Variants in ALPK3 observed in about 807,000 individuals in gnomAD.
ALPK3 encodes the protein alpha-protein kinase 3.
A neutral mutation model predicts 140.0 loss-of-function variants in ALPK3; 102 were observed. The observed-to-expected ratio is 0.73, with a 90% CI of 0.62 to 0.86. ALPK3 has a LOEUF of 0.86. Among genes scored for constraint, ALPK3 ranks in the 40% least tolerant of loss-of-function variants. The probability of loss-of-function intolerance (pLI) is 0.00; values close to 1 mark genes in which losing one functional copy is unlikely to be tolerated. For synonymous variants in ALPK3, 938 were observed against 898.5 expected (o/e 1.04, Z -0.79); for missense variants, 2,254 against 2,208.2 (o/e 1.02, Z -0.42).
intron 5 of ALPK3, among the ~76,000 whole-genome samples, chr15:84,846,215 G>A (rs1231088758): frequency 1.3e-5 from 2 of 152,192 alleles, no homozygotes; most frequent in African/African-American, 2.4e-5. Context: ...AGACAAAGAT[G>A]TTAATACTCT....
rs558546587 is a variant in ALPK3, at chr15:84,864,959, T to C, written c.4723+294T>C. On this transcript the variant is annotated intron_variant, in intron 12 of 13. Coordinates refer to ENST00000258888, the MANE Select transcript of ALPK3 (RefSeq NM_020778.5). ...CAAAGACCATTACATGGGGTCTAAT[T>C]CAAAACCCACAACCACCCTTTTCAA... 3.5e-4 allele frequency among the ~76,000 whole-genome samples: 53 copies of C among 152,250 alleles called. 2 individuals are homozygous for C. Among genetic ancestry groups the C allele is most frequent in the Middle Eastern group, 3.4e-3 (1 of 294 alleles).
chr15:84,828,397 C>T (rs1011303647), intron 3 of ALPK3, among the ~76,000 whole-genome samples: 4 of 152,168 alleles, frequency 2.6e-5, no homozygotes, highest in African/African-American at 9.7e-5. Context: ...CCCCAGATCA[C>T]CCAGTAGAGA....
In ALPK3 at chr15:84,840,802, G is replaced by C; in HGVS notation, c.1523G>C (p.Cys508Ser). 6.2e-7 allele frequency: 1 copy of C among 1,614,242 alleles called. No homozygotes were observed. Among genetic ancestry groups the C allele is most frequent in the East Asian group, 2.2e-5 (1 of 44,890 alleles). The change falls in exon 5 of 14, where the codon TGC becomes TCC. Residue 508 changes from cysteine to serine, a missense_variant. Physicochemically the swap from Cys to Ser is moderately radical, Grantham distance 112 (BLOSUM62 -1). Around this residue, in one of 3 missense-constraint regions of ALPK3, gnomAD observed 2,088 missense variants for 2,022.9 expected, o/e 1.03. Coordinates refer to ENST00000258888, the MANE Select transcript of ALPK3 (RefSeq NM_020778.5). ...PISSLSQAPE[C>S]GAQSLGKAPP... ...TCTTCTCTGAGTCAAGCTCCAGAAT[G>C]CGGGGCCCAGAGCTTAGGAAAGGCC...
At chr15:84,822,260 A>G (rs565518974) in intron 1 of ALPK3, among the ~76,000 whole-genome samples, 4 of 152,166 alleles carry the variant, frequency 2.6e-5, no homozygotes, top group Non-Finnish European at 5.9e-5. Context: ...GAAGTAGTCC[A>G]AGATGGCAGG....
intron 5 of ALPK3, among the ~76,000 whole-genome samples, chr15:84,843,908 A>G (rs1167460420): frequency 6.6e-6 from 1 of 152,128 alleles, no homozygotes; most frequent in Non-Finnish European, 1.5e-5. Flanking sequence ...CAGCCTGGCC[A>G]ATGTGGTGAA....
intron 3 of ALPK3, among the ~76,000 whole-genome samples, chr15:84,835,585 T>C (rs1020233940): frequency 1.3e-5 from 2 of 152,196 alleles, no homozygotes; most frequent in Non-Finnish European, 2.9e-5. Flanking sequence ...TCTACCCACA[T>C]GGGACCTAAG....
At position 84,858,368 on chromosome 15, in the gene ALPK3, GGA is replaced by G. The variant is rs2141569401; in HGVS notation, c.3635_3636del (p.Arg1212ThrfsTer43). On this transcript the variant is annotated frameshift_variant, in exon 6 of 14. Coordinates refer to ENST00000258888, the MANE Select transcript of ALPK3 (RefSeq NM_020778.5). LOFTEE classifies it high-confidence loss of function. ...CTGGGTCCCCAGGGACTCCAGGGCG[GGA>G]GAGACGCTCCCCTACGCAGGGCAGA... is the stretch of plus-strand genomic sequence containing the variant. ...VPGSPGTPGR[E>X]RRSPTQGRKA... is the part of the protein sequence containing the mutation. 1 of 1,554,444 alleles carries G rather than the reference GGA, an allele frequency of 6.4e-7. No homozygotes were observed. The highest frequency in any genetic ancestry group is 2.4e-5 in the East Asian group (1 of 41,364).
chr15:84,819,155 G>C (rs1033355280), intron 1 of ALPK3, among the ~76,000 whole-genome samples: 1 of 152,238 alleles, frequency 6.6e-6, no homozygotes, highest in Non-Finnish European at 1.5e-5. Context: ...TGGCTGAGCA[G>C]TTGTATGATA....
In ALPK3 at chr15:84,831,368, T is replaced by C. The variant is rs564830320; in HGVS notation, c.304+3763T>C. Among the ~76,000 whole-genome samples the C allele has an allele frequency of 2.0e-5, 3 of 152,376 alleles. No individual in the cohort carries two copies. In the South Asian group the frequency reaches 6.2e-4, roughly 32 times the overall value. On this transcript the variant is annotated intron_variant, in intron 3 of 13. Coordinates refer to ENST00000258888, the MANE Select transcript of ALPK3 (RefSeq NM_020778.5). ...CTTACTTTACAAACTCCTGTTTGGA[T>C]AGCTGTTCCCCTGGTCGTGGACTTT...
At chr15:84,834,174 G>A (rs1392193532) in intron 3 of ALPK3, among the ~76,000 whole-genome samples, 2 of 152,280 alleles carry the variant, frequency 1.3e-5, no homozygotes, top group Non-Finnish European at 2.9e-5. Context: ...AGAAACCCCA[G>A]TGGAAAGAGT....
intron 5 of ALPK3, among the ~76,000 whole-genome samples, chr15:84,843,050 C>T (rs536491763): frequency 6.6e-6 from 1 of 152,318 alleles, no homozygotes; most frequent in East Asian, 1.9e-4. Context: ...GTGGCATCCT[C>T]CTGGTAGGGC....
chr15:84,818,914 C>T (rs193030185), intron 1 of ALPK3, among the ~76,000 whole-genome samples: 2 of 152,304 alleles, frequency 1.3e-5, no homozygotes, highest in Admixed American at 6.5e-5. Context: ...AGCTGACTCC[C>T]TTGTGGGAGC....
intron 11 of ALPK3, among the ~76,000 whole-genome samples, chr15:84,863,942 T>C (rs1238900684): frequency 1.3e-5 from 2 of 152,148 alleles, no homozygotes; most frequent in Non-Finnish European, 2.9e-5. Context: ...TCCATGAAGG[T>C]GATGGGGTGG....
chr15:84,832,709 A>G (rs951457433), intron 3 of ALPK3, among the ~76,000 whole-genome samples: 1 of 152,254 alleles, frequency 6.6e-6, no homozygotes, highest in Admixed American at 6.5e-5. Context: ...TGCTCAGTAC[A>G]TATCAAATGA....
At chr15:84,858,627 A>G in intron 6 of ALPK3, 72 bp downstream of exon 6, 4 of 1,486,082 alleles carry the variant, frequency 2.7e-6, no homozygotes, top group East Asian at 2.3e-5. Context: ...GCTGCTGCTA[A>G]CAGCACTACC....
In ALPK3 at chr15:84,862,689, C is replaced by T. The variant is rs192472249; in HGVS notation, c.4184C>T (p.Ser1395Phe). 1.2e-6 allele frequency: 2 copies of T among 1,614,174 alleles called. No homozygotes were observed. The highest frequency in any genetic ancestry group is 2.2e-5 in the South Asian group (2 of 91,072). Residue 1395 changes from serine to phenylalanine, a missense_variant, in exon 10 of 14, where the codon TCT becomes TTT. Physicochemically the swap from Ser to Phe is radical, Grantham distance 155. Transcript: ENST00000258888. ...PMVFAKGLAD[S>F]GCWGDKLFGR... ...GTGTTTGCTAAGGGTCTGGCTGACTCTGGCTGCTGGGGGGACAAGCTCTTT... is the reference window on the plus strand; with the variant it reads ...GTGTTTGCTAAGGGTCTGGCTGACTTTGGCTGCTGGGGGGACAAGCTCTTT...
Position 84,871,518 on chromosome 15 carries a change from C to T in ALPK3, c.*3062C>T, listed in dbSNP as rs1254496803. On this transcript the variant is annotated 3_prime_UTR_variant, in exon 14 of 14. Transcript: ENST00000258888. ...CTCCTTGCTGGGGGACTAAACTCTCCACGCCAGCCCAGTCCCAAACCTAAA... is the reference window on the plus strand; with the variant it reads ...CTCCTTGCTGGGGGACTAAACTCTCTACGCCAGCCCAGTCCCAAACCTAAA... The T allele has an allele frequency of 6.6e-6, 1 of 152,230 alleles. No homozygotes were observed. The highest frequency in any genetic ancestry group is 2.4e-5 in the African/African-American group (1 of 41,436). The allele number at this position is 152,230 out of a possible 1,614,324, so 9.4% of individuals were successfully genotyped here. A position where few individuals can be genotyped will look rare whatever the true frequency, so the allele number is the denominator to read the frequency against.
chr15:84,850,879 T>TATATACACACACACACAC (rs144798232), intron 5 of ALPK3, among the ~76,000 whole-genome samples: 1,478 of 142,436 alleles, frequency 0.01, 14 homozygotes, highest in Non-Finnish European at 0.015. Context: ...GTTCCAGATA[T>TATATACACACACACACAC]ACACACACAC....
intron 10 of ALPK3, among the ~76,000 whole-genome samples, chr15:84,863,188 C>T (rs1489385066): frequency 6.6e-6 from 1 of 152,094 alleles, no homozygotes; most frequent in African/African-American, 2.4e-5. Flanking sequence ...CATACATAAT[C>T]TCTCATGGAA....
Sources: allele counts gnomAD v4.1 joint callset (sites outside exome capture counted in the v4.1 genomes callset), GRCh38; gene constraint gnomAD v4.1.1; regional missense constraint gnomAD v4.1.1; transcripts MANE v1.5; gene names NCBI Gene and HGNC (gene_info 2026-07-23, HGNC 2026-07-21).